Variants in STK3 observed in about 807,000 individuals in gnomAD.
The protein encoded by STK3 is serine/threonine kinase 3, also known as serine/threonine-protein kinase 3.
A neutral mutation model predicts 58.0 loss-of-function variants in STK3; 41 were observed. The ratio of observed to expected loss-of-function variants is 0.71; its 90% confidence interval spans 0.55 to 0.92. STK3 has a LOEUF of 0.92. Ranked by LOEUF, STK3 falls within the 40% of genes least tolerant of loss-of-function variation. The probability of loss-of-function intolerance (pLI) is 0.00; values close to 1 mark genes in which losing one functional copy is unlikely to be tolerated. For synonymous variants in STK3, 170 were observed against 191.0 expected (o/e 0.89, Z 0.91); for missense variants, 479 against 602.7 (o/e 0.79, Z 2.15).
At chr8:98,640,141 C>A (rs1414545110) in intron 6 of STK3, among the ~76,000 whole-genome samples, 2 of 152,116 alleles carry the variant, frequency 1.3e-5, no homozygotes, top group Non-Finnish European at 1.5e-5. Context: ...GCAGTCTTGA[C>A]CTCCTGGACT....
chr8:98,738,948 C>G (rs759053357), intron 4 of STK3, among the ~76,000 whole-genome samples: 2 of 152,252 alleles, frequency 1.3e-5, no homozygotes, highest in African/African-American at 2.4e-5. Flanking sequence ...TATCCCACAC[C>G]TGGCTCGGAG....
At chr8:98,463,773 A>T (rs1820200859) in intron 10 of STK3, among the ~76,000 whole-genome samples, 1 of 152,160 alleles carries the variant, frequency 6.6e-6, no homozygotes, top group South Asian at 2.1e-4. Flanking sequence ...AATAGTCGTA[A>T]TTACATGAGC....
intron 1 of STK3, among the ~76,000 whole-genome samples, chr8:98,891,585 C>T (rs1184568997): frequency 1.3e-5 from 2 of 151,382 alleles, no homozygotes; most frequent in Non-Finnish European, 2.9e-5. Flanking sequence ...GTAAGTTGTG[C>T]AGACTTTATC....
rs144614086 is a variant in STK3 at position 98,456,705 on chromosome 8, G to A, written c.1318-705C>T. Reference sequence around the variant, plus strand: ...TCCTCCTGCCTTGACCTCCTCAGTAGCTGGGATGTGCCACTGCACCCAGCT... The same window carrying A: ...TCCTCCTGCCTTGACCTCCTCAGTAACTGGGATGTGCCACTGCACCCAGCT... On this transcript the variant is annotated intron_variant, in intron 10 of 10. Coordinates refer to ENST00000419617, the MANE Select transcript of STK3 (RefSeq NM_006281.4). Among the ~76,000 whole-genome samples the A allele has an allele frequency of 1.2e-4, 19 of 152,292 alleles. No homozygotes were observed. In the East Asian group the frequency reaches 3.7e-3, roughly 29 times the overall value.
chr8:98,355,153 T>A, the STK3 span, among the ~76,000 whole-genome samples: 2 of 152,206 alleles, frequency 1.3e-5, no homozygotes, highest in Admixed American at 1.3e-4. Context: ...ACCTCTGTGG[T>A]AGACACTTTT....
chr8:98,725,273 C>A (rs900226113), intron 4 of STK3, among the ~76,000 whole-genome samples: 3 of 152,080 alleles, frequency 2.0e-5, no homozygotes. Flanking sequence ...ACAAGATATA[C>A]ATACATATGT....
chr8:98,830,055 C>T (rs981747856), upstream of STK3, among the ~76,000 whole-genome samples: 21 of 151,868 alleles, frequency 1.4e-4, no homozygotes, highest in South Asian at 4.2e-4. Flanking sequence ...GGTGAAACCC[C>T]GTCTCTACTA....
intron 4 of STK3, among the ~76,000 whole-genome samples, chr8:98,721,792 A>C (rs543481425): frequency 2.0e-5 from 3 of 152,164 alleles, no homozygotes; most frequent in Non-Finnish European, 2.9e-5. Flanking sequence ...ATTGCTGTGA[A>C]TAACAGCACA....
chr8:98,703,393 C>T (rs958719500), intron 6 of STK3, among the ~76,000 whole-genome samples: 1 of 151,956 alleles, frequency 6.6e-6, no homozygotes, highest in Non-Finnish European at 1.5e-5. Flanking sequence ...AAAATTACTA[C>T]AGTACAAAAA....
chr8:98,771,807 G>A (rs958686802), intron 2 of STK3, among the ~76,000 whole-genome samples: 2 of 152,102 alleles, frequency 1.3e-5, no homozygotes, highest in Non-Finnish European at 2.9e-5. Context: ...AGCTGGTCTC[G>A]AACTCCTGAC....
intron 1 of STK3, among the ~76,000 whole-genome samples, chr8:98,942,156 C>A (rs1840458139): frequency 6.6e-6 from 1 of 152,226 alleles, no homozygotes; most frequent in South Asian, 2.1e-4. Flanking sequence ...GGACGAGGGG[C>A]TGGCTGGGTC....
chr8:98,731,661 T>C (rs1000403851), intron 4 of STK3, among the ~76,000 whole-genome samples: 4 of 150,162 alleles, frequency 2.7e-5, no homozygotes, highest in Non-Finnish European at 5.9e-5. Flanking sequence ...AGGCAGAGCT[T>C]GCAGTAAGCC....
chr8:98,599,007 G>T, intron 6 of STK3: 1 of 577,606 alleles, frequency 1.7e-6, no homozygotes, highest in Non-Finnish European at 2.2e-6. Flanking sequence ...AATCAACAAT[G>T]ACTGAACTTT....
In STK3 at chr8:98,429,439, C is replaced by T. The variant is rs115056651; in HGVS notation, n.483+4688G>A. 5.9e-6 allele frequency: 9 copies of T among 1,522,516 alleles called. No homozygotes were observed. The South Asian group carries it at 9.4e-5, about 16-fold the overall frequency. The allele number at this position is 1,522,516 out of a possible 1,614,324, so 94.3% of individuals were successfully genotyped here. ...CCGGGAGGACTTGTCACCCTCCACC[C>T]CACATTGCTGAGCTGCCTCTTGTGC... On this transcript the variant is annotated intron_variant and non_coding_transcript_variant, in intron 3 of 3. Coordinates refer to the STK3 transcript ENST00000517832.
At chr8:98,828,450 A>C (rs1178825124), upstream of STK3, among the ~76,000 whole-genome samples, 6 of 150,344 alleles carry the variant, frequency 4.0e-5, no homozygotes, top group Admixed American at 6.6e-5. Flanking sequence ...AAAAAAAAAA[A>C]AAAAAAAAAA....
chr8:98,633,546 C>T (rs1319409294), intron 6 of STK3: 1 of 716,688 alleles, frequency 1.4e-6, no homozygotes. Context: ...GAGAATCAGC[C>T]AGATTCTCCA....
intron 3 of STK3, among the ~76,000 whole-genome samples, chr8:98,761,126 C>CTTT (rs71572022): frequency 7.1e-6 from 1 of 140,474 alleles, no homozygotes; most frequent in African/African-American, 2.6e-5. Flanking sequence ...GTGACTTTTT[C>CTTT]TTTTTTTTTT....
chr8:98,847,174 C>T (rs766560912), intron 3 of STK3, among the ~76,000 whole-genome samples: 9 of 152,134 alleles, frequency 5.9e-5, no homozygotes, highest in African/African-American at 1.7e-4. Flanking sequence ...GGTTGCAGCA[C>T]GCTATGATTG....
intron 6 of STK3, among the ~76,000 whole-genome samples, chr8:98,617,888 G>A (rs1817899876): frequency 6.6e-6 from 1 of 152,130 alleles, no homozygotes; most frequent in South Asian, 2.1e-4. Flanking sequence ...AGAGGTACAA[G>A]GAGGAACTAG....
Sources: gnomAD v4.1 joint callset for allele counts (sites outside exome capture counted in the v4.1 genomes callset) on GRCh38, gnomAD v4.1.1 for gene constraint, MANE v1.5 for transcripts, NCBI Gene and HGNC (gene_info 2026-07-23, HGNC 2026-07-21) for gene names.